TAOK1: variants seen among roughly 807,000 people sequenced by gnomAD.
TAOK1 encodes the protein TAO kinase 1.
Under a neutral mutation model 138.3 loss-of-function variants are expected in TAOK1, and 21 were observed. The observed-to-expected ratio is 0.15, with a 90% CI of 0.11 to 0.22. TAOK1 has a LOEUF of 0.22. Ranked by LOEUF, TAOK1 falls within the 10% of genes least tolerant of loss-of-function variation. TAOK1 has a pLI of 1.00. For synonymous variants in TAOK1, 361 were observed against 398.4 expected (o/e 0.91, Z 1.12); for missense variants, 651 against 1,227.7 (o/e 0.53, Z 7.02).
chr17:29,429,578 T>G (rs565558858), intron 1 of TAOK1, among the ~76,000 whole-genome samples: 85 of 152,246 alleles, frequency 5.6e-4, no homozygotes, highest in East Asian at 4.8e-3. Flanking sequence ...GCCCGGCCTT[T>G]CCTCTAATGT....
intron 19 of TAOK1, among the ~76,000 whole-genome samples, chr17:29,542,297 A>C (rs1278578701): frequency 6.6e-6 from 1 of 152,138 alleles, no homozygotes; most frequent in Non-Finnish European, 1.5e-5. Flanking sequence ...TTCCCTATTC[A>C]AGTTATGGGT....
chr17:29,457,756 T>C (rs2030426028), intron 2 of TAOK1, among the ~76,000 whole-genome samples: 1 of 151,810 alleles, frequency 6.6e-6, no homozygotes, highest in Admixed American at 6.6e-5. Context: ...CAGAAACATA[T>C]AAATAGTGTT....
At chr17:29,417,943 A>G (rs533417347) in intron 1 of TAOK1, among the ~76,000 whole-genome samples, 1 of 152,250 alleles carries the variant, frequency 6.6e-6, no homozygotes, top group East Asian at 1.9e-4. Flanking sequence ...GCTGCAGTAG[A>G]GTGGCGTGAT....
intron 15 of TAOK1, chr17:29,514,112 ACT>A (rs1404569226): frequency 6.6e-6 from 1 of 152,120 alleles, no homozygotes; most frequent in African/African-American, 2.4e-5. Flanking sequence ...ACAGAGCTAG[ACT>A]CTGCCTCGAA....
intron 7 of TAOK1, among the ~76,000 whole-genome samples, chr17:29,481,852 C>A (rs866602012): frequency 6.0e-4 from 91 of 152,012 alleles, no homozygotes; most frequent in African/African-American, 2.1e-3. Context: ...CCCAGCTACT[C>A]GGGAGGCTGA....
At chr17:29,541,619 T>C (rs1201519964) in intron 19 of TAOK1, among the ~76,000 whole-genome samples, 3 of 150,360 alleles carry the variant, frequency 2.0e-5, no homozygotes, top group Non-Finnish European at 4.4e-5. Context: ...CTACTAAAAA[T>C]ACAAAAATTA....
intron 1 of TAOK1, among the ~76,000 whole-genome samples, chr17:29,431,226 C>T (rs151099047): frequency 1.2e-4 from 19 of 152,174 alleles, no homozygotes; most frequent in Admixed American, 2.6e-4. Context: ...AGAGTGCTTG[C>T]GCTCTGGAGT....
intron 1 of TAOK1, among the ~76,000 whole-genome samples, chr17:29,402,839 C>G (rs958697707): frequency 6.6e-6 from 1 of 151,630 alleles, no homozygotes; most frequent in Admixed American, 6.6e-5. Flanking sequence ...GAGTTCAAAA[C>G]CAGCCTGGCC....
chr17:29,515,791 G>A (rs976067618), intron 15 of TAOK1, among the ~76,000 whole-genome samples: 6 of 151,672 alleles, frequency 4.0e-5, no homozygotes, highest in Non-Finnish European at 7.4e-5. Flanking sequence ...AGCCGAGATC[G>A]CGCCACTGCA....
chr17:29,501,804 A>G (rs949439128), intron 12 of TAOK1, among the ~76,000 whole-genome samples: 1 of 151,760 alleles, frequency 6.6e-6, no homozygotes, highest in African/African-American at 2.4e-5. Flanking sequence ...TGGGAGGCCA[A>G]GGCAGGCAGA....
chr17:29,420,590 T>TTG (rs1241102150), intron 1 of TAOK1, among the ~76,000 whole-genome samples: 5 of 150,336 alleles, frequency 3.3e-5, no homozygotes, highest in African/African-American at 1.2e-4. Flanking sequence ...AATCTGTTTT[T>TTG]TTTTTTTTTT....
intron 13 of TAOK1, among the ~76,000 whole-genome samples, chr17:29,503,996 AG>A (rs2031579289): frequency 6.6e-6 from 1 of 152,044 alleles, no homozygotes; most frequent in Non-Finnish European, 1.5e-5. Flanking sequence ...CTGTAATCCC[AG>A]GTACTCAGGA....
chr17:29,462,901 C>T (rs1476266357), intron 2 of TAOK1, among the ~76,000 whole-genome samples: 1 of 152,088 alleles, frequency 6.6e-6, no homozygotes, highest in Non-Finnish European at 1.5e-5. Flanking sequence ...TTTGTTTTTG[C>T]TCTTTTTCTC....
chr17:29,543,801 G>A lies in TAOK1; in HGVS notation c.*779G>A, dbSNP rs1197263589. 2 of 152,178 alleles carry A rather than the reference G, an allele frequency of 1.3e-5. No individual in the cohort carries two copies. The highest frequency in any genetic ancestry group is 2.9e-5 in the Non-Finnish European group (2 of 68,014). 9.4% of individuals were successfully genotyped at this position (152,178 alleles called of 1,614,324 possible). ...CTTCTTTGTATTATGATAAGATGGG[G>A]GTACTTAAGGAGATCACAAGTTGTG... On this transcript the variant is annotated 3_prime_UTR_variant, in exon 20 of 20. Transcript: ENST00000261716.
chr17:29,407,085 G>C (rs1905013100), intron 1 of TAOK1, among the ~76,000 whole-genome samples: 1 of 152,198 alleles, frequency 6.6e-6, no homozygotes, highest in East Asian at 1.9e-4. Context: ...TGCCATCATA[G>C]CTCACTTCAG....
At chr17:29,476,327 A>G (rs1257302630) in intron 4 of TAOK1, among the ~76,000 whole-genome samples, 1 of 152,198 alleles carries the variant, frequency 6.6e-6, no homozygotes, top group Non-Finnish European at 1.5e-5. Flanking sequence ...TAGTATACGT[A>G]CTGTAGATTT....
intron 1 of TAOK1, among the ~76,000 whole-genome samples, chr17:29,439,888 A>AT (rs1173580661): frequency 1.0e-5 from 1 of 95,718 alleles, no homozygotes; most frequent in Non-Finnish European, 2.2e-5. Flanking sequence ...AAAAAAAAAA[A>AT]TTTTTTTTTA....
chr17:29,535,854 C>CA (rs1324078933), intron 19 of TAOK1, among the ~76,000 whole-genome samples: 8 of 150,862 alleles, frequency 5.3e-5, no homozygotes, highest in Admixed American at 2.0e-4. Flanking sequence ...GACCCTGTCT[C>CA]AAAAAAACAA....
chr17:29,501,254 A>AAAAGT (rs1162284267), intron 12 of TAOK1, among the ~76,000 whole-genome samples: 1 of 151,152 alleles, frequency 6.6e-6, no homozygotes, highest in Non-Finnish European at 1.5e-5. Flanking sequence ...AAAAGAAAAG[A>AAAAGT]AAAACAGCCA....
Sources: allele counts gnomAD v4.1 joint callset (sites outside exome capture counted in the v4.1 genomes callset), GRCh38; gene constraint gnomAD v4.1.1; transcripts MANE v1.5; gene names NCBI Gene and HGNC (gene_info 2026-07-23, HGNC 2026-07-21).